Variants in KLHL1 observed in about 807,000 individuals in gnomAD.
KLHL1 encodes the protein kelch-like protein 1.
Under a neutral mutation model 77.7 loss-of-function variants are expected in KLHL1, and 47 were observed. The ratio of observed to expected loss-of-function variants is 0.60; its 90% CI spans 0.48 to 0.77. The LOEUF (loss-of-function observed/expected upper bound fraction) is 0.77, where lower values mean the gene tolerates loss of function less well. Ranked by LOEUF, KLHL1 falls within the 30% of genes least tolerant of loss-of-function variation. The pLI, the probability that KLHL1 is intolerant of heterozygous loss-of-function variation, is 0.00. For synonymous variants in KLHL1, 360 were observed against 325.2 expected (o/e 1.11, Z -1.15); for missense variants, 925 against 910.8 (o/e 1.02, Z -0.20).
At chr13:70,024,657 T>TCTCTCTCTCTCTCTCTCTCTCTCTCG (rs1566508969) in intron 1 of KLHL1, among the ~76,000 whole-genome samples, 2 of 148,014 alleles carry the variant, frequency 1.4e-5, no homozygotes, top group Non-Finnish European at 3.0e-5. Context: ...TCTCTCTCTC[T>TCTCTCTCTCTCTCTCTCTCTCTCTCG]CTCGCTCTGG....
chr13:69,718,930 A>C (rs866222208), intron 9 of KLHL1, among the ~76,000 whole-genome samples: 1 of 152,160 alleles, frequency 6.6e-6, no homozygotes, highest in South Asian at 2.1e-4. Flanking sequence ...TGAGAGTTTG[A>C]AAGGGTAGTA....
intron 4 of KLHL1, among the ~76,000 whole-genome samples, chr13:69,924,742 C>T (rs969855615): frequency 3.3e-5 from 5 of 152,156 alleles, no homozygotes; most frequent in African/African-American, 1.2e-4. Flanking sequence ...GAGCAGCCGC[C>T]CTTTAGGGAG....
At chr13:69,712,772 T>TTGG (rs1491173790) in intron 9 of KLHL1, among the ~76,000 whole-genome samples, 1 of 52,940 alleles carries the variant, frequency 1.9e-5, no homozygotes, top group African/African-American at 6.8e-5. Context: ...TTTTTTTTTT[T>TTGG]GGGGGGGGGG....
chr13:70,026,253 T>C (rs1225498716), intron 1 of KLHL1, among the ~76,000 whole-genome samples: 7 of 152,094 alleles, frequency 4.6e-5, no homozygotes, highest in Non-Finnish European at 8.8e-5. Context: ...AAAAGGTATA[T>C]TTATAACTGA....
At chr13:69,916,237 T>C (rs1465019468) in intron 4 of KLHL1, among the ~76,000 whole-genome samples, 1 of 152,166 alleles carries the variant, frequency 6.6e-6, no homozygotes, top group Non-Finnish European at 1.5e-5. Flanking sequence ...ATCCCATTAC[T>C]GGGTATATAC....
intron 6 of KLHL1, among the ~76,000 whole-genome samples, chr13:69,806,900 A>G (rs989587239): frequency 6.6e-6 from 1 of 152,190 alleles, no homozygotes; most frequent in African/African-American, 2.4e-5. Context: ...AACCTCTGGT[A>G]GGGTACTTGC....
At chr13:70,016,943 G>A (rs1384446949) in intron 1 of KLHL1, among the ~76,000 whole-genome samples, 2 of 152,104 alleles carry the variant, frequency 1.3e-5, no homozygotes, top group Non-Finnish European at 2.9e-5. Context: ...AGACCTGGGG[G>A]CCACCTGCCT....
intron 1 of KLHL1, among the ~76,000 whole-genome samples, chr13:70,082,801 A>C (rs1887428936): frequency 6.6e-6 from 1 of 152,156 alleles, no homozygotes; most frequent in Admixed American, 6.5e-5. Context: ...TAAAAAAAGA[A>C]GAGTGGAATC....
At chr13:69,849,966 A>G (rs1229745052) in intron 5 of KLHL1, among the ~76,000 whole-genome samples, 1 of 151,572 alleles carries the variant, frequency 6.6e-6, no homozygotes, top group Non-Finnish European at 1.5e-5. Context: ...GTTTATGTCT[A>G]TTAGAAACCT....
At chr13:69,828,090 A>G (rs1254920734) in intron 6 of KLHL1, among the ~76,000 whole-genome samples, 1 of 150,390 alleles carries the variant, frequency 6.6e-6, no homozygotes, top group African/African-American at 2.5e-5. Flanking sequence ...GACTCACATA[A>G]TGAATTTTTG....
chr13:69,788,310 AC>A (rs1243313727), intron 7 of KLHL1, among the ~76,000 whole-genome samples: 1 of 152,244 alleles, frequency 6.6e-6, no homozygotes, highest in Non-Finnish European at 1.5e-5. Flanking sequence ...GCACATATAC[AC>A]CATGGAATAC....
chr13:69,951,306 T>C (rs1883700596), intron 3 of KLHL1, among the ~76,000 whole-genome samples: 1 of 151,476 alleles, frequency 6.6e-6, no homozygotes. Context: ...CTTATGCAAG[T>C]GGCTTATTTT....
At chr13:69,825,351 T>G (rs1878504083) in intron 6 of KLHL1, among the ~76,000 whole-genome samples, 1 of 151,730 alleles carries the variant, frequency 6.6e-6, no homozygotes, top group African/African-American at 2.4e-5. Flanking sequence ...GGATCTGGGG[T>G]GGTGAGTGGT....
At chr13:69,862,901 T>G in intron 5 of KLHL1, among the ~76,000 whole-genome samples, 1 of 152,246 alleles carries the variant, frequency 6.6e-6, no homozygotes, top group Middle Eastern at 3.4e-3. Flanking sequence ...AATACATTTC[T>G]GATGTTTAAG....
At chr13:70,068,024 T>A (rs918385808) in intron 1 of KLHL1, among the ~76,000 whole-genome samples, 22 of 149,116 alleles carry the variant, frequency 1.5e-4, no homozygotes, top group African/African-American at 5.0e-4. Context: ...CACATGTTGT[T>A]CACTAACGTT....
At position 69,982,476 on chromosome 13, in the gene KLHL1, T is replaced by TAAA. The variant is rs1555287857; in HGVS notation, c.498-6675_498-6674insTTT. Among the ~76,000 whole-genome samples the TAAA allele has an allele frequency of 1.4e-4, 19 of 135,636 alleles. No homozygotes were observed. The Middle Eastern group carries it at 0.015, about 109-fold the overall frequency. 89.0% of individuals were successfully genotyped at this position (135,636 alleles called of 152,430 possible). ...ATAATAATAATAATAATAATAATAA[T>TAAA]AATAAAATAAAAAGCAATAAATCAA... is the stretch of plus-strand genomic sequence containing the variant. On this transcript the variant is annotated intron_variant, in intron 1 of 10. Transcript: ENST00000377844.
chr13:69,981,804 TA>T (rs1247978248), intron 1 of KLHL1, among the ~76,000 whole-genome samples: 1 of 151,692 alleles, frequency 6.6e-6, no homozygotes, highest in African/African-American at 2.4e-5. Context: ...AAAAAAAATC[TA>T]AAAAAATTCT....
At chr13:69,968,311 G>A (rs1202675338) in intron 2 of KLHL1, among the ~76,000 whole-genome samples, 2 of 121,108 alleles carry the variant, frequency 1.7e-5, no homozygotes, top group African/African-American at 6.0e-5. Context: ...TAGACCTATG[G>A]TATCATGTAA....
intron 1 of KLHL1, among the ~76,000 whole-genome samples, chr13:70,034,498 G>C (rs1011455960): frequency 1.3e-5 from 2 of 152,144 alleles, no homozygotes; most frequent in African/African-American, 4.8e-5. Flanking sequence ...TAAGTTTGTG[G>C]AACAGTTGTC....
Sources: gnomAD v4.1 joint callset for allele counts (sites outside exome capture counted in the v4.1 genomes callset) on GRCh38, gnomAD v4.1.1 for gene constraint, MANE v1.5 for transcripts, NCBI Gene and HGNC (gene_info 2026-07-23, HGNC 2026-07-21) for gene names.